PDE8B: variants seen among roughly 807,000 people sequenced by gnomAD.
PDE8B encodes phosphodiesterase 8B, also known as high affinity cAMP-specific and IBMX-insensitive 3',5'-cyclic phosphodiesterase 8B.
PDE8B carries 26 observed loss-of-function variants against 101.3 expected under a neutral mutation model. The observed-to-expected ratio is 0.26, with a 90% CI of 0.19 to 0.36. The LOEUF is 0.36. PDE8B is among the 10% of genes least tolerant of loss of function. The probability of loss-of-function intolerance (pLI) is 1.00; values close to 1 mark genes in which losing one functional copy is unlikely to be tolerated. For missense variants in PDE8B, 810 were observed against 1,163.1 expected, an observed-to-expected ratio of 0.70 and a Z score of 4.42; for synonymous variants, 424 against 429.3, an observed-to-expected ratio of 0.99 and a Z score of 0.15.
chr5:77,370,935 A>G (rs1784987978), intron 10 of PDE8B, among the ~76,000 whole-genome samples: 1 of 152,158 alleles, frequency 6.6e-6, no homozygotes, highest in African/African-American at 2.4e-5. Context: ...TCTTTTTTAA[A>G]TGTCATCTTT....
chr5:77,188,245 G>A, the PDE8B span, among the ~76,000 whole-genome samples: 5 of 152,232 alleles, frequency 3.3e-5, no homozygotes, highest in Non-Finnish European at 7.4e-5. Context: ...CCTGGCTTTC[G>A]ATGGAATGAT....
intron 17 of PDE8B, among the ~76,000 whole-genome samples, chr5:77,416,233 C>A (rs1373744012): frequency 6.6e-6 from 1 of 152,194 alleles, no homozygotes; most frequent in Non-Finnish European, 1.5e-5. Flanking sequence ...CATGTTTCAT[C>A]TAGTGCTATT....
Position 77,402,570 on chromosome 5 carries a change from G to A in PDE8B, c.1211-2150G>A, listed in dbSNP as rs180767276. On this transcript the variant is annotated intron_variant, in intron 11 of 21. Transcript: ENST00000264917. ...TCTAAGACATTATAAAGTGAAAACA[G>A]TAAGTAGTAGAACAATGTAACATGA... Among the ~76,000 whole-genome samples, 311 of 152,314 alleles carry A rather than the reference G, an allele frequency of 2.0e-3. 1 individual carries two copies. Among genetic ancestry groups the A allele is most frequent in the Middle Eastern group, 3.4e-3 (1 of 294 alleles).
intron 10 of PDE8B, among the ~76,000 whole-genome samples, chr5:77,363,773 G>A (rs1476495459): frequency 6.6e-6 from 1 of 151,916 alleles, no homozygotes; most frequent in East Asian, 1.9e-4. Flanking sequence ...AAGTGAAAAG[G>A]CAACGAAAGG....
chr5:77,243,260 A>C (rs1024295321), intron 1 of PDE8B, among the ~76,000 whole-genome samples: 1 of 152,218 alleles, frequency 6.6e-6, no homozygotes, highest in African/African-American at 2.4e-5. Flanking sequence ...GACAGAGCCA[A>C]CTATACTACC....
At chr5:77,223,489 G>C (rs1474241435) in intron 1 of PDE8B, among the ~76,000 whole-genome samples, 1 of 148,252 alleles carries the variant, frequency 6.7e-6, no homozygotes, top group East Asian at 2.0e-4. Flanking sequence ...CATCTCAAGT[G>C]CATAATGACC....
At chr5:77,424,061 A>G (rs1797354596) in intron 20 of PDE8B, among the ~76,000 whole-genome samples, 1 of 152,186 alleles carries the variant, frequency 6.6e-6, no homozygotes, top group South Asian at 2.1e-4. Flanking sequence ...GAAGAAAAGT[A>G]GGACAGGTAG....
At chr5:77,406,040 A>G (rs1207000852) in intron 12 of PDE8B, among the ~76,000 whole-genome samples, 1 of 152,128 alleles carries the variant, frequency 6.6e-6, no homozygotes, top group Non-Finnish European at 1.5e-5. Flanking sequence ...TGATCCCAGC[A>G]GTTTGGGAGG....
the PDE8B span, among the ~76,000 whole-genome samples, chr5:77,205,276 C>G: frequency 6.6e-6 from 1 of 152,218 alleles, no homozygotes; most frequent in South Asian, 2.1e-4. Context: ...AAATCCTCTC[C>G]TTAGTTTCAC....
At chr5:77,090,273 T>G in the PDE8B span, among the ~76,000 whole-genome samples, 5 of 152,176 alleles carry the variant, frequency 3.3e-5, no homozygotes, top group Non-Finnish European at 7.3e-5. Flanking sequence ...GGAGTCTTGC[T>G]CTGTCGCCCA....
At chr5:77,291,121 T>C (rs1480871112) in intron 1 of PDE8B, 4 of 1,610,882 alleles carry the variant, frequency 2.5e-6, no homozygotes, top group Non-Finnish European at 2.5e-6. Context: ...GACCTCAGCT[T>C]AGTTGTTCCA....
At chr5:77,390,914 C>G (rs1211804150) in intron 10 of PDE8B, among the ~76,000 whole-genome samples, 1 of 152,184 alleles carries the variant, frequency 6.6e-6, no homozygotes, top group Non-Finnish European at 1.5e-5. Context: ...TTGCCTGTTC[C>G]AAGCAATGAG....
intron 10 of PDE8B, among the ~76,000 whole-genome samples, chr5:77,358,637 G>A (rs1782550941): frequency 6.6e-6 from 1 of 152,232 alleles, no homozygotes; most frequent in African/African-American, 2.4e-5. Context: ...CTTATTCCAT[G>A]TAGAGTTGAT....
chr5:77,419,923 A>G lies in PDE8B; in HGVS notation c.2250+36A>G, dbSNP rs181991155. On this transcript the variant is annotated intron_variant, in intron 19 of 21. Transcript: ENST00000264917. Reference sequence around the variant, plus strand: ...CTTTCCATGCCATAAGGCACATCCAAGTACATTTCCATAAGAGCCTGCTCT... The same window carrying G: ...CTTTCCATGCCATAAGGCACATCCAGGTACATTTCCATAAGAGCCTGCTCT... 1,962 of 1,612,072 alleles carry G rather than the reference A, an allele frequency of 1.2e-3. 1 individual carries two copies. The highest frequency in any genetic ancestry group is 1.5e-3 in the Non-Finnish European group (1,812 of 1,178,602).
At chr5:77,225,874 ACACACACCCCACG>A (rs58898016) in intron 1 of PDE8B, among the ~76,000 whole-genome samples, 3,065 of 144,696 alleles carry the variant, frequency 0.021, 79 homozygotes, top group African/African-American at 0.067. Context: ...ACACACACAC[ACACACACCCCACG>A]CACACATCTC....
the PDE8B span, among the ~76,000 whole-genome samples, chr5:77,093,931 A>G: frequency 6.6e-6 from 1 of 152,054 alleles, no homozygotes; most frequent in Non-Finnish European, 1.5e-5. Context: ...GCTGAGTCCA[A>G]TGTTGAATAT....
At chr5:77,423,658 T>TTTTTTTTTTTTTTTTTTTTTTC (rs1797239902) in intron 20 of PDE8B, among the ~76,000 whole-genome samples, 1 of 111,780 alleles carries the variant, frequency 8.9e-6, no homozygotes, top group Admixed American at 9.7e-5. Flanking sequence ...TTTTTTTTTT[T>TTTTTTTTTTTTTTTTTTTTTTC]TGAGACAGTC....
the PDE8B span, among the ~76,000 whole-genome samples, chr5:77,149,858 T>G: frequency 5.9e-5 from 9 of 152,338 alleles, no homozygotes; most frequent in South Asian, 1.9e-3. Flanking sequence ...CTATTATGTC[T>G]TCTGTTCTGT....
At chr5:77,226,067 C>T (rs1752337141) in intron 1 of PDE8B, among the ~76,000 whole-genome samples, 1 of 152,174 alleles carries the variant, frequency 6.6e-6, no homozygotes, top group African/African-American at 2.4e-5. Flanking sequence ...ATTCTACTAA[C>T]AATGGACCAG....
Sources: allele counts gnomAD v4.1 joint callset (sites outside exome capture counted in the v4.1 genomes callset), GRCh38; gene constraint gnomAD v4.1.1; transcripts MANE v1.5; gene names NCBI Gene and HGNC (gene_info 2026-07-23, HGNC 2026-07-21).